Variants in PTPRD observed in about 807,000 individuals in gnomAD.
PTPRD encodes the protein protein tyrosine phosphatase receptor type D, also known as receptor-type tyrosine-protein phosphatase delta.
A neutral mutation model predicts 214.5 loss-of-function variants in PTPRD; 34 were observed. The observed-to-expected ratio is 0.16, with a 90% CI of 0.12 to 0.21. The LOEUF (loss-of-function observed/expected upper bound fraction) is 0.21, where lower values mean the gene tolerates loss of function less well. Ranked by LOEUF, PTPRD falls within the 10% of genes least tolerant of loss-of-function variation. The pLI is 1.00. For synonymous variants in PTPRD, 1,128 were observed against 845.7 expected, an observed-to-expected ratio of 1.33 and a Z score of -5.79; for missense variants, 2,545 against 2,398.7, an observed-to-expected ratio of 1.06 and a Z score of -1.27.
intron 2 of PTPRD, among the ~76,000 whole-genome samples, chr9:10,474,211 C>A (rs561173351): frequency 1.3e-5 from 2 of 151,804 alleles, no homozygotes; most frequent in East Asian, 3.9e-4. Flanking sequence ...AGTCAAGATT[C>A]ATCAGTGTGC....
intron 11 of PTPRD, among the ~76,000 whole-genome samples, chr9:8,825,903 G>A (rs900182344): frequency 2.0e-5 from 3 of 152,200 alleles, no homozygotes; most frequent in Non-Finnish European, 4.4e-5. Context: ...CCATTTTGGT[G>A]TTGGTGGGTT....
chr9:8,576,976 T>C (rs1002408574), intron 14 of PTPRD, among the ~76,000 whole-genome samples: 2 of 152,192 alleles, frequency 1.3e-5, no homozygotes, highest in Non-Finnish European at 2.9e-5. Flanking sequence ...TTAACTTCAG[T>C]ACTAAAACCC....
rs1177993865 is a variant in PTPRD, at chr9:10,394,962, T to C, written c.-599-53945A>G. Among the ~76,000 whole-genome samples the C allele has an allele frequency of 2.1e-3, 307 of 146,688 alleles. 1 individual carries two copies. Among genetic ancestry groups the C allele is most frequent in the Admixed American group, 3.1e-3 (46 of 14,782 alleles). ...TGCCACCATTTTTTCTTTTTCTTTT[T>C]TTTTTTTTTTTTTAGTCAGCTGTCA... On this transcript the variant is annotated intron_variant, in intron 2 of 45. Coordinates refer to ENST00000381196, the MANE Select transcript of PTPRD (RefSeq NM_002839.4).
chr9:9,938,000 G>A (rs2090167805), intron 5 of PTPRD, among the ~76,000 whole-genome samples: 1 of 152,090 alleles, frequency 6.6e-6, no homozygotes, highest in Admixed American at 6.6e-5. Flanking sequence ...TTTTAAGACT[G>A]GTAATCGAGG....
At chr9:8,483,881 T>G (rs2096942856) in intron 30 of PTPRD, among the ~76,000 whole-genome samples, 1 of 152,212 alleles carries the variant, frequency 6.6e-6, no homozygotes, top group African/African-American at 2.4e-5. Flanking sequence ...TTCTCCTAAA[T>G]AACACTGTCC....
At chr9:9,999,970 T>C (rs1432689788) in intron 4 of PTPRD, among the ~76,000 whole-genome samples, 1 of 152,138 alleles carries the variant, frequency 6.6e-6, no homozygotes, top group African/African-American at 2.4e-5. Context: ...AAAGTTTAAG[T>C]CTGTTGTAAG....
intron 9 of PTPRD, among the ~76,000 whole-genome samples, chr9:9,352,322 T>TAC (rs1569567629): frequency 9.1e-6 from 1 of 109,598 alleles, no homozygotes; most frequent in African/African-American, 2.9e-5. Flanking sequence ...TATATATATA[T>TAC]ATATATGTGT....
At chr9:9,987,693 T>G (rs1025791828) in intron 4 of PTPRD, among the ~76,000 whole-genome samples, 45 of 152,226 alleles carry the variant, frequency 3.0e-4, no homozygotes, top group African/African-American at 1.1e-3. Flanking sequence ...TTCCTTCAGT[T>G]ATGCAACTTT....
At chr9:8,519,396 T>G (rs976673432) in intron 20 of PTPRD, among the ~76,000 whole-genome samples, 1 of 152,196 alleles carries the variant, frequency 6.6e-6, no homozygotes, top group Non-Finnish European at 1.5e-5. Context: ...TTCAAGTGCC[T>G]TATTCTAAAC....
intron 5 of PTPRD, among the ~76,000 whole-genome samples, chr9:9,850,047 A>G (rs1250320895): frequency 2.6e-5 from 4 of 152,150 alleles, no homozygotes; most frequent in Admixed American, 2.6e-4. Flanking sequence ...TCACGAACAG[A>G]GTAGTTACCC....
At chr9:9,520,760 A>T (rs1191368393) in intron 8 of PTPRD, among the ~76,000 whole-genome samples, 2 of 152,218 alleles carry the variant, frequency 1.3e-5, no homozygotes, top group African/African-American at 2.4e-5. Flanking sequence ...TAAAATTTTC[A>T]ATGTCAGCAT....
At chr9:10,550,893 C>G (rs1297786313) in intron 2 of PTPRD, among the ~76,000 whole-genome samples, 2 of 152,198 alleles carry the variant, frequency 1.3e-5, no homozygotes, top group African/African-American at 4.8e-5. Flanking sequence ...CATATATTGG[C>G]ATGGTTCCCA....
chr9:8,388,465 G>C (rs2135579224), intron 37 of PTPRD, among the ~76,000 whole-genome samples: 1 of 152,170 alleles, frequency 6.6e-6, no homozygotes, highest in East Asian at 1.9e-4. Flanking sequence ...AATTTCTCAA[G>C]GTTAAAGGTT....
At chr9:9,703,294 T>C (rs998129126) in intron 7 of PTPRD, among the ~76,000 whole-genome samples, 3 of 152,182 alleles carry the variant, frequency 2.0e-5, no homozygotes, top group African/African-American at 4.8e-5. Flanking sequence ...TTAAACTCTT[T>C]CCATTATAAA....
chr9:9,933,042 C>G (rs544687978), intron 5 of PTPRD, among the ~76,000 whole-genome samples: 146 of 151,944 alleles, frequency 9.6e-4, no homozygotes, highest in African/African-American at 3.2e-3. Context: ...GATTTTGTCA[C>G]CACCAGGCCT....
At chr9:10,238,309 T>C (rs894603297) in intron 3 of PTPRD, among the ~76,000 whole-genome samples, 1 of 151,896 alleles carries the variant, frequency 6.6e-6, no homozygotes, top group African/African-American at 2.4e-5. Context: ...GACAACCTAC[T>C]AGGACTCTAA....
intron 9 of PTPRD, among the ~76,000 whole-genome samples, chr9:9,199,259 G>A (rs1300235405): frequency 1.3e-5 from 2 of 152,094 alleles, no homozygotes; most frequent in Admixed American, 6.6e-5. Context: ...ATTATTGCTG[G>A]GATAAAGATT....
At chr9:8,401,143 C>G (rs1471893029) in intron 36 of PTPRD, among the ~76,000 whole-genome samples, 1 of 149,112 alleles carries the variant, frequency 6.7e-6, no homozygotes, top group East Asian at 2.0e-4. Context: ...TCCATTTGGT[C>G]TTTATTTGAA....
chr9:9,948,522 T>C (rs188414675), intron 4 of PTPRD, among the ~76,000 whole-genome samples: 431 of 152,232 alleles, frequency 2.8e-3, no homozygotes, highest in Non-Finnish European at 3.8e-3. Flanking sequence ...AAGTAAAATG[T>C]AGAGATAAAT....
Sources: gnomAD v4.1 joint callset for allele counts (sites outside exome capture counted in the v4.1 genomes callset) on GRCh38, gnomAD v4.1.1 for gene constraint, MANE v1.5 for transcripts, NCBI Gene and HGNC (gene_info 2026-07-23, HGNC 2026-07-21) for gene names.